The following ANO3 variants were observed in gnomAD, a reference collection of about 807,000 sequenced individuals.
The protein encoded by ANO3 is anoctamin 3, also known as anoctamin-3.
In ANO3, 99 loss-of-function variants were observed where a neutral mutation model predicts 144.8. The observed-to-expected ratio is 0.68, with a 90% confidence interval of 0.58 to 0.81. The LOEUF (loss-of-function observed/expected upper bound fraction) is 0.81, where lower values mean the gene tolerates loss of function less well. Ranked by LOEUF, ANO3 falls within the 30% of genes least tolerant of loss-of-function variation. The pLI is 0.00. For missense variants in ANO3, 905 were observed against 1,202.2 expected, an observed-to-expected ratio of 0.75 and a Z score of 3.66; for synonymous variants, 414 against 392.6, an observed-to-expected ratio of 1.05 and a Z score of -0.64.
chr11:26,315,077 G>A (rs1293610914), intron 1 of ANO3, among the ~76,000 whole-genome samples: 1 of 149,816 alleles, frequency 6.7e-6, no homozygotes, highest in Non-Finnish European at 1.5e-5. Flanking sequence ...TAAATCCTAG[G>A]TAGGTCTATA....
intron 1 of ANO3, among the ~76,000 whole-genome samples, chr11:26,360,355 C>A (rs1305748838): frequency 6.6e-6 from 1 of 151,880 alleles, no homozygotes; most frequent in African/African-American, 2.4e-5. Flanking sequence ...GGGTCTGGTT[C>A]CTGATGTACT....
At chr11:26,458,241 GTT>G (rs764036073) in intron 3 of ANO3, among the ~76,000 whole-genome samples, 49 of 152,228 alleles carry the variant, frequency 3.2e-4, no homozygotes, top group Non-Finnish European at 5.3e-4. Flanking sequence ...TTTCATTTGT[GTT>G]TCAGAAGATC....
At chr11:26,277,314 G>A (rs1461705690) in intron 1 of ANO3, among the ~76,000 whole-genome samples, 1 of 152,020 alleles carries the variant, frequency 6.6e-6, no homozygotes, top group Admixed American at 6.6e-5. Flanking sequence ...AATTTGGAAG[G>A]AAAAGATAGA....
intron 14 of ANO3, among the ~76,000 whole-genome samples, chr11:26,587,486 CAG>C (rs930052598): frequency 4.6e-5 from 7 of 152,166 alleles, no homozygotes; most frequent in African/African-American, 1.7e-4. Flanking sequence ...GAGAACTGTA[CAG>C]ACATTTTTAT....
chr11:26,329,604 AG>A (rs1854984511), upstream of ANO3, among the ~76,000 whole-genome samples: 1 of 152,110 alleles, frequency 6.6e-6, no homozygotes, highest in African/African-American at 2.4e-5. Context: ...CAAGGGTGTT[AG>A]AAATAATAAC....
intron 1 of ANO3, among the ~76,000 whole-genome samples, chr11:26,241,205 G>T (rs1387202808): frequency 6.6e-6 from 1 of 152,092 alleles, no homozygotes; most frequent in Admixed American, 6.6e-5. Flanking sequence ...TTGTGAAACT[G>T]CCCCAGCCAC....
At chr11:26,258,394 C>A (rs1590219885) in intron 1 of ANO3, among the ~76,000 whole-genome samples, 1 of 152,252 alleles carries the variant, frequency 6.6e-6, no homozygotes, top group East Asian at 1.9e-4. Context: ...CTACTCTCTG[C>A]TCAACATTGT....
intron 1 of ANO3, among the ~76,000 whole-genome samples, chr11:26,310,076 T>C (rs563653542): frequency 6.6e-6 from 1 of 152,198 alleles, no homozygotes; most frequent in Non-Finnish European, 1.5e-5. Flanking sequence ...ACACAAATCA[T>C]TTGATATACA....
At chr11:26,564,720 C>CATAT (rs1850461305) in intron 14 of ANO3, among the ~76,000 whole-genome samples, 1 of 75,622 alleles carries the variant, frequency 1.3e-5, no homozygotes, top group Non-Finnish European at 2.6e-5. Flanking sequence ...CACACACACA[C>CATAT]ACACACACAC....
chr11:26,569,686 G>A (rs1328360608), intron 14 of ANO3, among the ~76,000 whole-genome samples: 1 of 152,058 alleles, frequency 6.6e-6, no homozygotes, highest in African/African-American at 2.4e-5. Context: ...ATCTATATAT[G>A]TTTTACTTTC....
intron 1 of ANO3, among the ~76,000 whole-genome samples, chr11:26,314,715 G>A (rs1369936109): frequency 6.6e-6 from 1 of 151,998 alleles, no homozygotes; most frequent in African/African-American, 2.4e-5. Context: ...GAGACCCCAG[G>A]GTCTCAGGGC....
At chr11:26,402,311 G>T (rs1318939961) in intron 1 of ANO3, among the ~76,000 whole-genome samples, 1 of 151,816 alleles carries the variant, frequency 6.6e-6, no homozygotes, top group African/African-American at 2.4e-5. Flanking sequence ...GTTATTTTTT[G>T]ACTTTTTAAT....
intron 1 of ANO3, among the ~76,000 whole-genome samples, chr11:26,394,409 A>G (rs1856952924): frequency 6.6e-6 from 1 of 152,044 alleles, no homozygotes; most frequent in Admixed American, 6.6e-5. Context: ...AAATCCACAA[A>G]ACTCTAATGC....
At chr11:26,476,734 T>C (rs1272977234) in intron 4 of ANO3, among the ~76,000 whole-genome samples, 1 of 151,890 alleles carries the variant, frequency 6.6e-6, no homozygotes, top group Non-Finnish European at 1.5e-5. Flanking sequence ...AAAGGTAAGG[T>C]GAATATATCA....
At chr11:26,627,346 G>T (rs1852620350) in intron 18 of ANO3, among the ~76,000 whole-genome samples, 1 of 150,828 alleles carries the variant, frequency 6.6e-6, no homozygotes, top group Non-Finnish European at 1.5e-5. Flanking sequence ...CCCTCTGCTT[G>T]TCCTTCTTCT....
chr11:26,446,508 G>T (rs903153), intron 3 of ANO3, among the ~76,000 whole-genome samples: 6 of 152,210 alleles, frequency 3.9e-5, no homozygotes, highest in South Asian at 2.1e-4. Context: ...TTGTTCCAAA[G>T]GAGAACCATG....
intron 1 of ANO3, among the ~76,000 whole-genome samples, chr11:26,342,618 C>T (rs1310906904): frequency 6.6e-6 from 1 of 152,132 alleles, no homozygotes. Context: ...TATACACTAC[C>T]CAATTTGTGG....
intron 5 of ANO3, among the ~76,000 whole-genome samples, chr11:26,514,642 A>G (rs1397701335): frequency 1.3e-5 from 2 of 152,102 alleles, no homozygotes; most frequent in Non-Finnish European, 1.5e-5. Context: ...AATTCAAACT[A>G]TGCTTGGTGA....
At chr11:26,376,634 G>A (rs1291649739) in intron 1 of ANO3, among the ~76,000 whole-genome samples, 3 of 150,436 alleles carry the variant, frequency 2.0e-5, no homozygotes, top group Non-Finnish European at 4.4e-5. Flanking sequence ...CTTAGGGAAA[G>A]AATCTACTGC....
Sources: allele counts gnomAD v4.1 joint callset (sites outside exome capture counted in the v4.1 genomes callset), GRCh38; gene constraint gnomAD v4.1.1; transcripts MANE v1.5; gene names NCBI Gene and HGNC (gene_info 2026-07-23, HGNC 2026-07-21).